Variants in CFAP299 observed in about 807,000 individuals in gnomAD.
CFAP299 encodes the protein cilia- and flagella-associated protein 299.
CFAP299 carries 21 observed loss-of-function variants against 27.0 expected under a neutral mutation model. The observed-to-expected ratio is 0.78, with a 90% confidence interval of 0.55 to 1.12. CFAP299 has a LOEUF of 1.12. Among genes scored for constraint, CFAP299 ranks in the 50% most tolerant of loss-of-function variants. The probability of loss-of-function intolerance (pLI) is 0.00; values close to 1 mark genes in which losing one functional copy is unlikely to be tolerated. For synonymous variants in CFAP299, 104 were observed against 98.1 expected (o/e 1.06, Z -0.36); for missense variants, 310 against 276.6 (o/e 1.12, Z -0.86).
At chr4:80,368,754 G>A (rs1723976887) in intron 2 of CFAP299, among the ~76,000 whole-genome samples, 1 of 152,086 alleles carries the variant, frequency 6.6e-6, no homozygotes, top group Non-Finnish European at 1.5e-5. Flanking sequence ...TCATATACTT[G>A]AGAATTAAAT....
intron 2 of CFAP299, among the ~76,000 whole-genome samples, chr4:80,431,518 C>G (rs1357074038): frequency 1.3e-5 from 2 of 151,666 alleles, no homozygotes; most frequent in Non-Finnish European, 2.9e-5. Context: ...TGTTTCTTCT[C>G]TTCTCCCTCG....
intron 2 of CFAP299, among the ~76,000 whole-genome samples, chr4:80,382,691 G>A (rs897619096): frequency 6.6e-6 from 1 of 152,060 alleles, no homozygotes; most frequent in African/African-American, 2.4e-5. Context: ...ATAACAGGGT[G>A]TGGAGAAAAG....
chr4:80,715,172 T>G (rs969388939), intron 3 of CFAP299, among the ~76,000 whole-genome samples: 4 of 152,136 alleles, frequency 2.6e-5, no homozygotes, highest in African/African-American at 9.6e-5. Flanking sequence ...GTTTTGAAGA[T>G]GTTCTGATCA....
chr4:80,604,480 A>G (rs993272997), intron 3 of CFAP299, among the ~76,000 whole-genome samples: 16 of 152,200 alleles, frequency 1.1e-4, no homozygotes, highest in Non-Finnish European at 7.3e-5. Flanking sequence ...GTCTTGACAC[A>G]AGCTGACAAT....
chr4:80,831,301 A>AAT (rs1375644001), intron 3 of CFAP299, among the ~76,000 whole-genome samples: 1 of 152,164 alleles, frequency 6.6e-6, no homozygotes, highest in Non-Finnish European at 1.5e-5. Context: ...TAAAGCATGT[A>AAT]ATAATATGCA....
At chr4:80,659,019 G>C (rs1740699032) in intron 3 of CFAP299, among the ~76,000 whole-genome samples, 1 of 152,046 alleles carries the variant, frequency 6.6e-6, no homozygotes, top group South Asian at 2.1e-4. Flanking sequence ...CATGCCAAAA[G>C]TTAAAGATAT....
chr4:80,435,072 A>G (rs558659338), intron 2 of CFAP299, among the ~76,000 whole-genome samples: 1 of 152,340 alleles, frequency 6.6e-6, no homozygotes, highest in East Asian at 1.9e-4. Flanking sequence ...GGTTAGCAAC[A>G]TAATTTCACA....
chr4:80,724,037 A>T (rs1722995467), intron 3 of CFAP299, among the ~76,000 whole-genome samples: 1 of 152,122 alleles, frequency 6.6e-6, no homozygotes, highest in Non-Finnish European at 1.5e-5. Flanking sequence ...AAAATATTAT[A>T]CTGTCCTTGT....
chr4:80,653,004 C>T (rs1433503644), intron 3 of CFAP299, among the ~76,000 whole-genome samples: 2 of 151,992 alleles, frequency 1.3e-5, no homozygotes, highest in South Asian at 2.1e-4. Context: ...AGTAGAGTCC[C>T]CTCCTCTTGT....
At chr4:80,634,557 T>A (rs1036037040) in intron 3 of CFAP299, among the ~76,000 whole-genome samples, 1 of 152,222 alleles carries the variant, frequency 6.6e-6, no homozygotes, top group Admixed American at 6.5e-5. Context: ...AATGTTTAGC[T>A]ATTATTTTAA....
intron 2 of CFAP299, among the ~76,000 whole-genome samples, chr4:80,440,845 C>A (rs1013153453): frequency 4.6e-5 from 7 of 152,120 alleles, no homozygotes; most frequent in East Asian, 1.9e-4. Flanking sequence ...CTAGAATAAC[C>A]AATTTAGAGA....
At chr4:80,364,780 G>A (rs6855317) in intron 2 of CFAP299, among the ~76,000 whole-genome samples, 14,436 of 152,146 alleles carry the variant, frequency 0.095, 1,281 homozygotes, top group African/African-American at 0.23. Context: ...CAGGCTCACT[G>A]TGTGTCATTC....
At chr4:80,690,806 TAAAG>T (rs1436491194) in intron 3 of CFAP299, among the ~76,000 whole-genome samples, 1 of 150,400 alleles carries the variant, frequency 6.6e-6, no homozygotes, top group Admixed American at 6.6e-5. Context: ...GCAAGACTAA[TAAAG>T]AAGAAAAGAG....
intron 2 of CFAP299, among the ~76,000 whole-genome samples, chr4:80,496,076 G>C (rs180816158): frequency 6.6e-6 from 1 of 152,184 alleles, no homozygotes; most frequent in Non-Finnish European, 1.5e-5. Context: ...TTGCCTATTA[G>C]CAGTTGCCTT....
intron 2 of CFAP299, among the ~76,000 whole-genome samples, chr4:80,424,540 G>T (rs1474798712): frequency 6.6e-6 from 1 of 152,140 alleles, no homozygotes; most frequent in Non-Finnish European, 1.5e-5. Flanking sequence ...ACTGAAATTA[G>T]GAAACTGTGG....
At chr4:80,387,062 G>T in intron 2 of CFAP299, 1 of 1,426,870 alleles carries the variant, frequency 7.0e-7, no homozygotes, top group East Asian at 2.3e-5. Context: ...AGTGTGGGCA[G>T]GGGAAGTTGT....
intron 3 of CFAP299, among the ~76,000 whole-genome samples, chr4:80,628,451 C>T (rs1011447183): frequency 1.3e-5 from 2 of 152,008 alleles, no homozygotes; most frequent in Non-Finnish European, 2.9e-5. Context: ...GACCCCAAAG[C>T]ACAGGCAACA....
chr4:80,827,697 G>A (rs936914149), intron 3 of CFAP299, among the ~76,000 whole-genome samples: 24 of 151,760 alleles, frequency 1.6e-4, no homozygotes, highest in African/African-American at 4.4e-4. Context: ...AGAAGTCCTG[G>A]TCAAAGCAAT....
chr4:80,853,636 T>C (rs748149836), intron 3 of CFAP299, among the ~76,000 whole-genome samples: 14 of 152,106 alleles, frequency 9.2e-5, no homozygotes, highest in South Asian at 8.3e-4. Context: ...GAATAAGTTA[T>C]AGGGAAAATA....
Sources: allele counts gnomAD v4.1 joint callset (sites outside exome capture counted in the v4.1 genomes callset), GRCh38; gene constraint gnomAD v4.1.1; transcripts MANE v1.5; gene names NCBI Gene and HGNC (gene_info 2026-07-23, HGNC 2026-07-21).